The following CR1 variants were observed in gnomAD, a reference collection of about 807,000 sequenced individuals.
CR1 encodes the protein complement C3b/C4b receptor 1 (Knops blood group), also known as complement receptor type 1.
A neutral mutation model predicts 187.3 loss-of-function variants in CR1; 116 were observed. The observed-to-expected ratio is 0.62, with a 90% CI of 0.53 to 0.72. The LOEUF (loss-of-function observed/expected upper bound fraction) is 0.72, where lower values mean the gene tolerates loss of function less well. Ranked by LOEUF, CR1 falls within the 30% of genes least tolerant of loss-of-function variation. The pLI is 0.00. For synonymous variants in CR1, 576 were observed against 747.1 expected (o/e 0.77, Z 3.73); for missense variants, 1,731 against 2,110.7 (o/e 0.82, Z 3.52).
chr1:207,515,994 T>G (rs1389161877), intron 4 of CR1, among the ~76,000 whole-genome samples: 1 of 152,118 alleles, frequency 6.6e-6, no homozygotes, highest in Non-Finnish European at 1.5e-5. Context: ...GCAGGAGGAT[T>G]GCTTGAAGCC....
At chr1:207,601,428 T>A (rs1285055934) in intron 35 of CR1, among the ~76,000 whole-genome samples, 4 of 152,162 alleles carry the variant, frequency 2.6e-5, no homozygotes, top group Non-Finnish European at 5.9e-5. Context: ...CTTTTAGGTA[T>A]ATACCCAGAA....
At chr1:207,572,945 C>G (rs1011075066) in intron 27 of CR1, among the ~76,000 whole-genome samples, 1 of 151,880 alleles carries the variant, frequency 6.6e-6, no homozygotes, top group Non-Finnish European at 1.5e-5. Context: ...CAAAGTTTTC[C>G]CTTTTAATAA....
At chr1:207,598,482 C>T (rs907876978) in intron 35 of CR1, among the ~76,000 whole-genome samples, 1 of 151,196 alleles carries the variant, frequency 6.6e-6, no homozygotes, top group Non-Finnish European at 1.5e-5. Flanking sequence ...TGCAGTGGCA[C>T]TATCTCGGTT....
chr1:207,502,577 G>C (rs1659304820), intron 1 of CR1, among the ~76,000 whole-genome samples: 1 of 152,178 alleles, frequency 6.6e-6, no homozygotes, highest in African/African-American at 2.4e-5. Flanking sequence ...AAAGGGGAAA[G>C]GGCCACACCT....
intron 4 of CR1, among the ~76,000 whole-genome samples, chr1:207,520,968 G>GTTTTTTTTTTTTTTTTT (rs141546660): frequency 4.5e-5 from 2 of 44,568 alleles, no homozygotes; most frequent in Non-Finnish European, 7.6e-5. Context: ...TTTTTTGGTT[G>GTTTTTTTTTTTTTTTTT]TTTTTTTTTT....
At chr1:207,516,526 C>T (rs1659812976) in intron 4 of CR1, among the ~76,000 whole-genome samples, 1 of 152,228 alleles carries the variant, frequency 6.6e-6, no homozygotes. Flanking sequence ...TCAATTTCCA[C>T]ATAAAGAATC....
At chr1:207,518,090 A>C (rs1295356584) in intron 4 of CR1, among the ~76,000 whole-genome samples, 1 of 152,186 alleles carries the variant, frequency 6.6e-6, no homozygotes, top group African/African-American at 2.4e-5. Flanking sequence ...ATGTACATTT[A>C]ACCTATCAAT....
chr1:207,565,513 C>T (rs570656901), intron 23 of CR1, among the ~76,000 whole-genome samples: 1 of 150,264 alleles, frequency 6.7e-6, no homozygotes, highest in Admixed American at 6.6e-5. Context: ...TTTCTAATAA[C>T]AACAATGAGT....
intron 46 of CR1, among the ~76,000 whole-genome samples, chr1:207,636,214 G>T (rs537578770): frequency 6.6e-6 from 1 of 152,032 alleles, no homozygotes. Flanking sequence ...ATTTATAATC[G>T]TAGTACTTCC....
chr1:207,622,780 C>T (rs1004117880), intron 44 of CR1, among the ~76,000 whole-genome samples: 5 of 152,050 alleles, frequency 3.3e-5, no homozygotes, highest in South Asian at 2.1e-4. Context: ...TTGGACTAAA[C>T]GTTACAAAAC....
intron 23 of CR1, 89 bp downstream of exon 23, chr1:207,564,323 A>C: frequency 1.3e-6 from 2 of 1,575,536 alleles, no homozygotes; most frequent in Non-Finnish European, 8.5e-7. Context: ...GCTTAAAAGA[A>C]AGACACACAC....
chr1:207,522,183 G>C (rs1355264837), intron 4 of CR1, among the ~76,000 whole-genome samples: 1 of 152,126 alleles, frequency 6.6e-6, no homozygotes, highest in Non-Finnish European at 1.5e-5. Context: ...TCTTCTTCCA[G>C]ATGGAATTTT....
rs756455451 is a variant in CR1 at position 207,506,083 on chromosome 1, C to A, written c.301C>A (p.Arg101Ser). The A allele has an allele frequency of 6.2e-7, 1 of 1,612,628 alleles. No homozygotes were observed. Among genetic ancestry groups the A allele is most frequent in the Admixed American group, 1.7e-5 (1 of 59,742 alleles). ...GACTGGTGCTAAGGACAGGTGCAGA[C>A]GTAAGTAACTCTGGAGTGGGAACCC... ...VWTGAKDRCR[R>S]KSCRNPPDPV... The change falls in exon 2 of 47, where the codon CGT becomes AGT. Residue 101 changes from arginine (R) to serine (S), a missense_variant and splice_region_variant. By Grantham distance (110) the Arg-to-Ser change is moderately radical (BLOSUM62 -1). Coordinates refer to ENST00000367049, the MANE Select transcript of CR1 (RefSeq NM_000651.6).
intron 34 of CR1, among the ~76,000 whole-genome samples, chr1:207,588,414 G>C (rs774001178): frequency 6.6e-6 from 1 of 152,124 alleles, no homozygotes; most frequent in African/African-American, 2.4e-5. Context: ...CAGGTGATCT[G>C]CCGGCCTCGG....
At chr1:207,504,777 G>T (rs569450579) in intron 1 of CR1, among the ~76,000 whole-genome samples, 3 of 152,060 alleles carry the variant, frequency 2.0e-5, no homozygotes. Context: ...TTTTAAAAAG[G>T]AGCCCATTTC....
rs764728700 is a variant in CR1 at position 207,526,819 on chromosome 1, C to G, written c.953C>G (p.Pro318Arg). The part of the protein sequence containing the change: ...RTQRDKDNFS[P>R]GQEVFYSCEP... ...CAAAGGGACAAGGACAACTTTTCAC[C>G]TGGGCAGGAAGTGTTCTACAGCTGT... is the stretch of plus-strand genomic sequence containing the variant. The change falls in exon 6 of 47, where the codon CCT becomes CGT. Residue 318 changes from proline to arginine, a missense_variant. By Grantham distance (103) the Pro-to-Arg change is moderately radical. Coordinates refer to ENST00000367049, the MANE Select transcript of CR1 (RefSeq NM_000651.6). The G allele has an allele frequency of 5.4e-6, 8 of 1,493,768 alleles. 1 individual carries two copies. The South Asian group carries it at 1.0e-4, about 19-fold the overall frequency. 92.5% of individuals were successfully genotyped at this position (1,493,768 alleles called of 1,614,324 possible).
At chr1:207,575,474 A>C in intron 27 of CR1, 121 bp from the exon 28 acceptor site, 2 of 1,217,954 alleles carry the variant, frequency 1.6e-6, no homozygotes, top group South Asian at 1.3e-5. Flanking sequence ...CAATAGGTAA[A>C]GTTTAGGCTA....
chr1:207,638,719 C>T (rs2102424920), intron 46 of CR1, among the ~76,000 whole-genome samples: 1 of 152,300 alleles, frequency 6.6e-6, no homozygotes. Context: ...GAGCTAATAA[C>T]CAATTGAATT....
intron 35 of CR1, among the ~76,000 whole-genome samples, chr1:207,596,868 A>G (rs1000740024): frequency 8.1e-5 from 12 of 147,984 alleles, no homozygotes; most frequent in African/African-American, 2.9e-4. Context: ...GATATAAAAT[A>G]TTATATAAAT....
Sources: gnomAD v4.1 joint callset for allele counts (sites outside exome capture counted in the v4.1 genomes callset) on GRCh38, gnomAD v4.1.1 for gene constraint, MANE v1.5 for transcripts, NCBI Gene and HGNC (gene_info 2026-07-23, HGNC 2026-07-21) for gene names.